RBPJ: variants seen among roughly 807,000 people sequenced by gnomAD.
The protein encoded by RBPJ is recombination signal binding protein for immunoglobulin kappa J region.
Under a neutral mutation model 67.8 loss-of-function variants are expected in RBPJ, and 9 were observed. The observed-to-expected ratio is 0.13, with a 90% CI of 0.08 to 0.23. The LOEUF (loss-of-function observed/expected upper bound fraction) is 0.23, where lower values mean the gene tolerates loss of function less well. Among genes scored for constraint, RBPJ ranks in the 10% least tolerant of loss-of-function variants. The pLI, the probability that RBPJ is intolerant of heterozygous loss-of-function variation, is 1.00. For synonymous variants in RBPJ, 198 were observed against 203.3 expected, an observed-to-expected ratio of 0.97 and a Z score of 0.22; for missense variants, 305 against 595.6, an observed-to-expected ratio of 0.51 and a Z score of 5.08.
intron 1 of RBPJ, among the ~76,000 whole-genome samples, chr4:26,341,703 T>C (rs537942327): frequency 6.6e-6 from 1 of 151,336 alleles, no homozygotes; most frequent in Non-Finnish European, 1.5e-5. Flanking sequence ...GAGGGAACTG[T>C]TAAGTTTTGT....
intron 1 of RBPJ, among the ~76,000 whole-genome samples, chr4:26,302,614 A>C (rs1399840157): frequency 1.3e-5 from 2 of 152,190 alleles, no homozygotes; most frequent in African/African-American, 4.8e-5. Flanking sequence ...GGTTATAGAG[A>C]AATGTCAGAG....
At chr4:26,409,960 G>T (rs73810229) in intron 3 of RBPJ, 1 of 420,336 alleles carries the variant, frequency 2.4e-6, no homozygotes, top group Admixed American at 2.9e-5. Flanking sequence ...GATTTGTATT[G>T]TTAAAAATTT....
rs55806116 is a variant in RBPJ at position 26,210,727 on chromosome 4, C to CCTTCTTTCTTTCCTTCTTTCCTTCTTTA, written c.-167+47120_-167+47121insCTTTCCTTCTTTCCTTCTTTACTTCTTT. On this transcript the variant is annotated intron_variant, in intron 1 of 4. Transcript: ENST00000512351. ...TCTTTCCTTCTTTCCTTCTTTCTTT[C>CCTTCTTTCTTTCCTTCTTTCCTTCTTTA]CTTCTTTACTTCTTTCCTTCTTTCC... 1.1e-4 allele frequency among the ~76,000 whole-genome samples: 7 copies of CCTTCTTTCTTTCCTTCTTTCCTTCTTTA among 61,842 alleles called. 1 individual carries two copies. Among genetic ancestry groups the CCTTCTTTCTTTCCTTCTTTCCTTCTTTA allele is most frequent in the South Asian group, 1.2e-3 (2 of 1,634 alleles). 40.6% of individuals were successfully genotyped at this position (61,842 alleles called of 152,430 possible). A position where few individuals can be genotyped will look rare whatever the true frequency, so the allele number is the denominator to read the frequency against.
At chr4:26,119,963 A>C in the RBPJ span, among the ~76,000 whole-genome samples, 3 of 152,264 alleles carry the variant, frequency 2.0e-5, no homozygotes, top group Admixed American at 6.5e-5. Context: ...AGGCAAAGAC[A>C]TCCACTTTAT....
At chr4:26,316,827 C>CTTTTTTTTTTTTTTTTTTTTTTTT (rs56130072), upstream of RBPJ, among the ~76,000 whole-genome samples, 1 of 71,396 alleles carries the variant, frequency 1.4e-5, no homozygotes. Flanking sequence ...ACCCAGACGA[C>CTTTTTTTTTTTTTTTTTTTTTTTT]TTTTTTTTTT....
At chr4:26,249,791 C>T (rs866220199) in intron 1 of RBPJ, among the ~76,000 whole-genome samples, 229 of 128,618 alleles carry the variant, frequency 1.8e-3, no homozygotes, top group Middle Eastern at 3.9e-3. Flanking sequence ...TTTTTTTTTT[C>T]TTTTTTTTTT....
At chr4:26,329,661 G>A (rs181140731) in intron 1 of RBPJ, among the ~76,000 whole-genome samples, 1 of 152,092 alleles carries the variant, frequency 6.6e-6, no homozygotes, top group Non-Finnish European at 1.5e-5. Context: ...TTGGGAGGCC[G>A]AGGCGGGCGG....
At chr4:26,411,577 CT>C (rs11479029) in intron 3 of RBPJ, among the ~76,000 whole-genome samples, 143,494 of 148,454 alleles carry the variant, frequency 0.97, 69,374 homozygotes, top group Middle Eastern at 1. Flanking sequence ...TTAGAGTTGA[CT>C]TTTTTTTTTT....
chr4:26,163,137 ACAT>A (rs61395266), upstream of RBPJ, among the ~76,000 whole-genome samples: 7,864 of 152,192 alleles, frequency 0.052, 666 homozygotes, highest in African/African-American at 0.18. Context: ...ATCAGAAATA[ACAT>A]CTGAGGTCAG....
chr4:26,421,391 C>T (rs1339580704), intron 5 of RBPJ, among the ~76,000 whole-genome samples: 1 of 152,046 alleles, frequency 6.6e-6, no homozygotes, highest in African/African-American at 2.4e-5. Flanking sequence ...CAACCTCCAC[C>T]TCCCGGGTTC....
chr4:26,380,387 C>T (rs941343638), intron 1 of RBPJ, among the ~76,000 whole-genome samples: 1 of 151,934 alleles, frequency 6.6e-6, no homozygotes, highest in Non-Finnish European at 1.5e-5. Context: ...TATAATTGTC[C>T]CCCTACTAGA....
At chr4:26,362,617 G>C (rs144563091) in intron 1 of RBPJ, 1 of 1,613,878 alleles carries the variant, frequency 6.2e-7, no homozygotes. Context: ...GTACCATGGC[G>C]TGGATTAAAA....
chr4:26,370,226 CAGTT>C (rs369508000), intron 1 of RBPJ, among the ~76,000 whole-genome samples: 213 of 152,212 alleles, frequency 1.4e-3, no homozygotes, highest in Middle Eastern at 0.01. Flanking sequence ...GAAAAATTAA[CAGTT>C]AGAATGACTC....
intron 1 of RBPJ, among the ~76,000 whole-genome samples, chr4:26,227,579 A>T (rs1381995077): frequency 1.5e-4 from 23 of 152,288 alleles, no homozygotes; most frequent in Non-Finnish European, 2.9e-5. Flanking sequence ...CTGAGTGGAG[A>T]TGAGTTTTGC....
rs192882560 is a variant in RBPJ, at chr4:26,393,989, G to A, written c.59+7598G>A. Among the ~76,000 whole-genome samples, 200 of 151,266 alleles carry A rather than the reference G, an allele frequency of 1.3e-3. 1 individual carries two copies. Among genetic ancestry groups the A allele is most frequent in the Non-Finnish European group, 1.9e-3 (130 of 67,858 alleles). On this transcript the variant is annotated intron_variant, in intron 2 of 10. Coordinates refer to ENST00000355476, the MANE Select transcript of RBPJ (RefSeq NM_015874.6). ...GAGTTTAAACTTTTGATTAAGGCTC[G>A]TTAATAATATATACTATTCACTGTT...
At chr4:26,134,535 A>G in the RBPJ span, among the ~76,000 whole-genome samples, 1 of 152,158 alleles carries the variant, frequency 6.6e-6, no homozygotes, top group Non-Finnish European at 1.5e-5. Flanking sequence ...ATGTTCATTT[A>G]TTTCCTTTGG....
chr4:26,376,658 G>A (rs1052074157), intron 1 of RBPJ, among the ~76,000 whole-genome samples: 1 of 152,192 alleles, frequency 6.6e-6, no homozygotes, highest in Non-Finnish European at 1.5e-5. Flanking sequence ...GAGTGGAACT[G>A]ATGGATCATA....
At chr4:26,414,756 G>A (rs1734393386) in intron 3 of RBPJ, among the ~76,000 whole-genome samples, 1 of 152,210 alleles carries the variant, frequency 6.6e-6, no homozygotes, top group Non-Finnish European at 1.5e-5. Flanking sequence ...AAGAACTTGT[G>A]AAGGTGGTTT....
intron 1 of RBPJ, among the ~76,000 whole-genome samples, chr4:26,251,323 C>A (rs553203914): frequency 6.6e-6 from 1 of 152,050 alleles, no homozygotes; most frequent in East Asian, 1.9e-4. Context: ...TGGACCAGCA[C>A]AGTAGCAAAA....
Sources: gnomAD v4.1 joint callset for allele counts (sites outside exome capture counted in the v4.1 genomes callset) on GRCh38, gnomAD v4.1.1 for gene constraint, MANE v1.5 for transcripts, NCBI Gene and HGNC (gene_info 2026-07-23, HGNC 2026-07-21) for gene names.